Variants in HECTD4 observed in about 807,000 individuals in gnomAD.
HECTD4 encodes the protein probable E3 ubiquitin-protein ligase HECTD4.
A neutral mutation model predicts 471.5 loss-of-function variants in HECTD4; 114 were observed. The ratio of observed to expected loss-of-function variants is 0.24; its 90% CI spans 0.21 to 0.28. The LOEUF is 0.28. HECTD4 is among the 10% of genes least tolerant of loss of function. The probability of loss-of-function intolerance (pLI) is 1.00; values close to 1 mark genes in which losing one functional copy is unlikely to be tolerated. For synonymous variants in HECTD4, 2,012 were observed against 2,256.0 expected (o/e 0.89, Z 3.07); for missense variants, 3,866 against 5,651.5 (o/e 0.68, Z 10.13).
chr12:112,268,071 C>T (rs1172845321), intron 13 of HECTD4, among the ~76,000 whole-genome samples: 1 of 152,214 alleles, frequency 6.6e-6, no homozygotes, highest in African/African-American at 2.4e-5. Context: ...GATCCACCTG[C>T]CATGGCCCCT....
chr12:112,313,143 A>G lies in HECTD4; in HGVS notation c.790T>C (p.Leu264=). ...LPVADVLYRL[L]LLEGGPGSPS... ...GATCCAGGCCCCCCTTCCAAAAGCA[A>G]CAGCCTATATGGGGGAGAAAGAAAA... The change falls in exon 4 of 76, where the codon TTG becomes CTG. Residue 264 remains leucine (L), a synonymous_variant. Coordinates refer to ENST00000682272, the MANE Select transcript of HECTD4 (RefSeq NM_001388303.1). 6.5e-7 allele frequency: 1 copy of G among 1,535,470 alleles called. No individual in the cohort carries two copies. Among genetic ancestry groups the G allele is most frequent in the Non-Finnish European group, 8.7e-7 (1 of 1,146,522 alleles).
chr12:112,286,677 G>A (rs2034761377), intron 7 of HECTD4, among the ~76,000 whole-genome samples: 1 of 152,082 alleles, frequency 6.6e-6, no homozygotes, highest in Non-Finnish European at 1.5e-5. Context: ...GGGCAACAGA[G>A]GGAGATCCTG....
chr12:112,274,654 C>G (rs909418049), intron 10 of HECTD4, among the ~76,000 whole-genome samples, 193 bp downstream of exon 10: 1 of 152,132 alleles, frequency 6.6e-6, no homozygotes, highest in Non-Finnish European at 1.5e-5. Context: ...CTGCAGTGAG[C>G]CAAGATCGTA....
chr12:112,215,764 C>G (rs779206567), intron 48 of HECTD4, among the ~76,000 whole-genome samples: 4 of 152,170 alleles, frequency 2.6e-5, no homozygotes, highest in Non-Finnish European at 5.9e-5. Flanking sequence ...CTCAGCCTCT[C>G]GAGTAGCTGG....
chr12:112,259,991 T>C (rs2034108631), intron 18 of HECTD4, among the ~76,000 whole-genome samples: 1 of 152,032 alleles, frequency 6.6e-6, no homozygotes, highest in Non-Finnish European at 1.5e-5. Context: ...AAATTTACCA[T>C]CTTAACCATT....
At chr12:112,170,760 T>C (rs531532800) in intron 68 of HECTD4, 1 of 459,208 alleles carries the variant, frequency 2.2e-6, no homozygotes, top group South Asian at 3.5e-5. Context: ...CATGTGTCTG[T>C]TTATATGTCA....
chr12:112,372,956 C>T (rs1594084335), intron 1 of HECTD4, among the ~76,000 whole-genome samples: 1 of 141,496 alleles, frequency 7.1e-6, no homozygotes, highest in Admixed American at 8.8e-5. Context: ...GAGAGTTTTG[C>T]CATGTTGTCC....
rs1248281853 is a variant in HECTD4 at position 112,381,085 on chromosome 12, C to T, written c.177+867G>A. On this transcript the variant is annotated intron_variant, in intron 1 of 75. Coordinates refer to ENST00000682272, the MANE Select transcript of HECTD4 (RefSeq NM_001388303.1). The surrounding 1 kb of genome is among the most constrained non-coding windows in gnomAD (Gnocchi z 4.1). ...AGCAGTGTCAGCATCCGTTGGCCTCCATGAAACGACACTGCCAGTATTCCC... is the reference window on the plus strand; with the variant it reads ...AGCAGTGTCAGCATCCGTTGGCCTCTATGAAACGACACTGCCAGTATTCCC... Among the ~76,000 whole-genome samples the T allele has an allele frequency of 3.9e-5, 6 of 152,140 alleles. No individual in the cohort carries two copies. Among genetic ancestry groups the T allele is most frequent in the Non-Finnish European group, 7.3e-5 (5 of 68,030 alleles).
At chr12:112,311,516 C>A (rs1161200688) in intron 4 of HECTD4, among the ~76,000 whole-genome samples, 1 of 150,158 alleles carries the variant, frequency 6.7e-6, no homozygotes, top group Non-Finnish European at 1.5e-5. Context: ...CCCAGCTACT[C>A]AGGTGGCTAC....
At position 112,256,535 on chromosome 12, in the gene HECTD4, A is replaced by G. The variant is rs550855353; in HGVS notation, c.3129-17T>C. On this transcript the variant is annotated splice_polypyrimidine_tract_variant and intron_variant, in intron 20 of 75. Coordinates refer to ENST00000682272, the MANE Select transcript of HECTD4 (RefSeq NM_001388303.1). ...TCTAACATTCTAAACAGAAAAAGAG[A>G]AAGTGATTTAGCTTAGCAGCCAAGG... is the stretch of plus-strand genomic sequence containing the variant. 62 of 1,505,586 alleles carry G rather than the reference A, an allele frequency of 4.1e-5. No individual in the cohort carries two copies. In the South Asian group the frequency reaches 8.2e-4, roughly 20 times the overall value. 93.3% of individuals were successfully genotyped at this position (1,505,586 alleles called of 1,614,324 possible). A position where few individuals can be genotyped will look rare whatever the true frequency, so the allele number is the denominator to read the frequency against.
rs1399158828 is a variant in HECTD4, at chr12:112,269,776, A to G, written c.2249T>C (p.Leu750Pro). The change falls in exon 13 of 76, where the codon CTT (leucine) becomes CCT (proline). Residue 750 changes from leucine (L) to proline (P), a missense_variant. Transcript: ENST00000682272. ...TTTTGGAGCCATCAACAACTGCCAA[A>G]GAAGCAATCCCGACCGTCGAATGAT... The part of the protein sequence containing the change: ...RDIIRRSGLL[L>P]WQLLMAPKDQ... The G allele has an allele frequency of 6.2e-7, 1 of 1,614,046 alleles. No homozygotes were observed. Among genetic ancestry groups the G allele is most frequent in the Non-Finnish European group, 8.5e-7 (1 of 1,179,898 alleles).
intron 1 of HECTD4, among the ~76,000 whole-genome samples, chr12:112,373,340 C>G (rs535323358): frequency 1.3e-5 from 2 of 152,186 alleles, no homozygotes; most frequent in South Asian, 4.1e-4. Context: ...AGGAGTTAGC[C>G]TGGCCAACAT....
intron 24 of HECTD4, 41 bp downstream of exon 24, chr12:112,250,930 C>G (rs757368817): frequency 6.5e-7 from 1 of 1,549,412 alleles, no homozygotes; most frequent in Non-Finnish European, 8.7e-7. Flanking sequence ...GTCCTTTTTC[C>G]TTTGCAGGCA....
chr12:112,353,516 T>A (rs77647591), intron 1 of HECTD4, among the ~76,000 whole-genome samples: 1 of 152,184 alleles, frequency 6.6e-6, no homozygotes, highest in African/African-American at 2.4e-5. Context: ...CAATGACTGG[T>A]TGAATAGAGA....
At position 112,250,225 on chromosome 12, in the gene HECTD4, C is replaced by T; in HGVS notation, c.3869G>A (p.Arg1290Gln). 6 of 1,613,888 alleles carry T rather than the reference C, an allele frequency of 3.7e-6. No individual in the cohort carries two copies. The highest frequency in any genetic ancestry group is 1.1e-5 in the South Asian group (1 of 91,078). ...PPVGNYFDLP[R>Q]IRLPPGIMIK... ...CATGATTCCTGGAGGCAGTCTGATC[C>T]GAGGCAGATCAAAGTAGTTTCCAAC... Residue 1290 changes from arginine (R) to glutamine (Q), a missense_variant, in exon 25 of 76, where the codon CGG becomes CAG. Transcript: ENST00000682272.
Position 112,251,264 on chromosome 12 carries a change from G to A in HECTD4, c.3553-130C>T. The A allele has an allele frequency of 3.8e-6, 3 of 795,100 alleles. No individual in the cohort carries two copies. The African/African-American group carries it at 5.1e-5, about 14-fold the overall frequency. The allele number at this position is 795,100 out of a possible 1,614,324, so 49.3% of individuals were successfully genotyped here. A position where few individuals can be genotyped will look rare whatever the true frequency, so the allele number is the denominator to read the frequency against. On this transcript the variant is annotated intron_variant, in intron 23 of 75. Transcript: ENST00000682272. ...AGCAGCATCGAGTATCACTGCTAGG[G>A]GACACAGGTACAGCACCCAAATCAT...
At chr12:112,168,877 T>C (rs1233300288) in intron 70 of HECTD4, among the ~76,000 whole-genome samples, 1 of 152,134 alleles carries the variant, frequency 6.6e-6, no homozygotes, top group Non-Finnish European at 1.5e-5. Context: ...CAGAGAGGCC[T>C]AGGAGGCCTG....
chr12:112,283,384 G>T, intron 7 of HECTD4, 82 bp from the exon 8 acceptor site: 1 of 1,099,904 alleles, frequency 9.1e-7, no homozygotes, highest in Non-Finnish European at 1.3e-6. Flanking sequence ...ATTATTGTGA[G>T]TAAATAAAAA....
intron 1 of HECTD4, among the ~76,000 whole-genome samples, chr12:112,348,427 A>G (rs2036194588): frequency 6.6e-6 from 1 of 152,194 alleles, no homozygotes; most frequent in Non-Finnish European, 1.5e-5. Context: ...AAAACTTAAA[A>G]CTTATATTCA....
Sources: allele counts gnomAD v4.1 joint callset (sites outside exome capture counted in the v4.1 genomes callset), GRCh38; gene constraint gnomAD v4.1.1; non-coding constraint Gnocchi (gnomAD v3.1); transcripts MANE v1.5; gene names NCBI Gene and HGNC (gene_info 2026-07-23, HGNC 2026-07-21).